IPO11: variants seen among roughly 807,000 people sequenced by gnomAD.
The protein encoded by IPO11 is importin-11.
Under a neutral mutation model 143.2 loss-of-function variants are expected in IPO11, and 66 were observed. That is an observed-to-expected ratio of 0.46 (90% CI 0.38 to 0.57). The LOEUF (loss-of-function observed/expected upper bound fraction) is 0.57, where lower values mean the gene tolerates loss of function less well. Ranked by LOEUF, IPO11 falls within the 20% of genes least tolerant of loss-of-function variation. IPO11 has a pLI of 0.00. For synonymous variants in IPO11, 385 were observed against 377.8 expected (o/e 1.02, Z -0.22); for missense variants, 1,026 against 1,141.0 (o/e 0.90, Z 1.45).
intron 29 of IPO11, among the ~76,000 whole-genome samples, chr5:62,603,704 G>A (rs562780895): frequency 1.3e-4 from 20 of 152,322 alleles, no homozygotes; most frequent in East Asian, 1.2e-3. Context: ...GAAAAGTCAC[G>A]CAGACATGGA....
At chr5:62,431,257 G>A (rs1282118491) in intron 1 of IPO11, among the ~76,000 whole-genome samples, 1 of 152,108 alleles carries the variant, frequency 6.6e-6, no homozygotes, top group Non-Finnish European at 1.5e-5. Context: ...GGCATTACAG[G>A]TGTGAGCTAC....
At chr5:62,604,981 G>A (rs1196731923) in intron 29 of IPO11, among the ~76,000 whole-genome samples, 2 of 152,030 alleles carry the variant, frequency 1.3e-5, no homozygotes, top group Admixed American at 6.6e-5. Flanking sequence ...TGTCTATAAC[G>A]TTAGACATTT....
intron 20 of IPO11, among the ~76,000 whole-genome samples, chr5:62,523,797 CAG>C (rs1300486461): frequency 2.0e-5 from 3 of 152,098 alleles, no homozygotes; most frequent in Non-Finnish European, 4.4e-5. Flanking sequence ...GTTTGGAATT[CAG>C]AGAGTTGTTG....
intron 4 of IPO11, among the ~76,000 whole-genome samples, 172 bp downstream of exon 4, chr5:62,450,171 T>G (rs1393423568): frequency 6.6e-6 from 1 of 152,246 alleles, no homozygotes; most frequent in Non-Finnish European, 1.5e-5. Context: ...TTGAATAGTT[T>G]TGATTAGATT....
At chr5:62,534,881 T>G (rs969181734) in intron 22 of IPO11, among the ~76,000 whole-genome samples, 3 of 152,182 alleles carry the variant, frequency 2.0e-5, no homozygotes, top group African/African-American at 4.8e-5. Flanking sequence ...TATTGCATGA[T>G]TGAAGTATAA....
At chr5:62,570,045 C>G (rs4416553) in intron 27 of IPO11, among the ~76,000 whole-genome samples, 147,335 of 152,228 alleles carry the variant, frequency 0.97, 71,341 homozygotes, top group East Asian at 1. Flanking sequence ...ATTTGCGTAA[C>G]ATACCTATTT....
At chr5:62,600,589 A>G (rs551501031) in intron 28 of IPO11, among the ~76,000 whole-genome samples, 2 of 152,300 alleles carry the variant, frequency 1.3e-5, no homozygotes, top group African/African-American at 4.8e-5. Context: ...TTTTTAAGAC[A>G]CTTCACTTTA....
intron 1 of IPO11, among the ~76,000 whole-genome samples, chr5:62,415,695 C>G (rs958021549): frequency 6.6e-6 from 1 of 150,828 alleles, no homozygotes; most frequent in Non-Finnish European, 1.5e-5. Context: ...CTCGAACTCT[C>G]GACCTCAGGT....
chr5:62,542,351 G>C (rs1742987207), intron 24 of IPO11, among the ~76,000 whole-genome samples: 1 of 151,914 alleles, frequency 6.6e-6, no homozygotes, highest in Non-Finnish European at 1.5e-5. Flanking sequence ...TTTATGTTAA[G>C]GAATATTTTA....
intron 5 of IPO11, among the ~76,000 whole-genome samples, chr5:62,454,910 C>A (rs922952886): frequency 2.6e-5 from 4 of 152,066 alleles, no homozygotes; most frequent in African/African-American, 7.2e-5. Context: ...CTTCCAAAAG[C>A]AGGATTTTTG....
At chr5:62,502,812 CCTTTT>C in intron 16 of IPO11, among the ~76,000 whole-genome samples, 1 of 151,886 alleles carries the variant, frequency 6.6e-6, no homozygotes, top group Admixed American at 6.6e-5. Flanking sequence ...CCTTTCCTTT[CCTTTT>C]TCCTTTTTTC....
At chr5:62,487,335 G>A (rs1746444965) in intron 12 of IPO11, among the ~76,000 whole-genome samples, 1 of 152,044 alleles carries the variant, frequency 6.6e-6, no homozygotes, top group Non-Finnish European at 1.5e-5. Context: ...GGTGGAGGTT[G>A]CAGTGAGCCG....
intron 1 of IPO11, among the ~76,000 whole-genome samples, chr5:62,415,592 C>T (rs535866541): frequency 6.6e-6 from 1 of 151,812 alleles, no homozygotes; most frequent in Admixed American, 6.6e-5. Flanking sequence ...CCTCAGCCTC[C>T]TGAGTAGCTG....
chr5:62,441,448 C>T (rs1338835882), intron 2 of IPO11, among the ~76,000 whole-genome samples: 15 of 146,198 alleles, frequency 1.0e-4, no homozygotes, highest in South Asian at 2.2e-4. Context: ...TTGTCCCCCT[C>T]GGCCTCCCAA....
At chr5:62,610,806 T>C (rs1294474025) in intron 29 of IPO11, among the ~76,000 whole-genome samples, 6 of 152,308 alleles carry the variant, frequency 3.9e-5, no homozygotes, top group African/African-American at 1.4e-4. Flanking sequence ...TTTTTAATGC[T>C]TACCATGTGA....
chr5:62,527,690 C>T (rs570109011), intron 21 of IPO11, among the ~76,000 whole-genome samples: 11 of 152,166 alleles, frequency 7.2e-5, no homozygotes, highest in African/African-American at 2.2e-4. Context: ...TAAAAATGCA[C>T]GGCTTTGTTA....
chr5:62,424,835 T>A (rs1406319357), intron 1 of IPO11, among the ~76,000 whole-genome samples: 1 of 152,174 alleles, frequency 6.6e-6, no homozygotes, highest in Admixed American at 6.5e-5. Context: ...CTGTTCTTGT[T>A]CCATGGTTTC....
chr5:62,463,558 C>G (rs1012760547), intron 5 of IPO11, among the ~76,000 whole-genome samples: 1 of 151,556 alleles, frequency 6.6e-6, no homozygotes, highest in African/African-American at 2.4e-5. Flanking sequence ...GTAGTCCCAG[C>G]TACTCAGGAG....
In IPO11 at chr5:62,435,114, A is replaced by ATATATGTATATGTATATG. The variant is rs1561308819; in HGVS notation, c.-6-2157_-6-2156insATGTATATGTATATGTAT. Among the ~76,000 whole-genome samples, 6 of 102,310 alleles carry ATATATGTATATGTATATG rather than the reference A, an allele frequency of 5.9e-5. 1 individual carries two copies. Among genetic ancestry groups the ATATATGTATATGTATATG allele is most frequent in the African/African-American group, 2.7e-4 (6 of 22,068 alleles). 67.1% of individuals were successfully genotyped at this position (102,310 alleles called of 152,430 possible). ...TATGTATATATGTATATATATGTAT[A>ATATATGTATATGTATATG]TATGTATATATGTATATATATGTAT... On this transcript the variant is annotated intron_variant, in intron 1 of 29. Coordinates refer to ENST00000325324, the MANE Select transcript of IPO11 (RefSeq NM_016338.5).
Sources: gnomAD v4.1 joint callset for allele counts (sites outside exome capture counted in the v4.1 genomes callset) on GRCh38, gnomAD v4.1.1 for gene constraint, MANE v1.5 for transcripts, NCBI Gene and HGNC (gene_info 2026-07-23, HGNC 2026-07-21) for gene names.